Variants in ADPRHL1 observed in about 807,000 individuals in gnomAD.
ADPRHL1 encodes the protein inactive ADP-ribosyltransferase ARH2.
In ADPRHL1, 43 loss-of-function variants were observed where a neutral mutation model predicts 44.1. The ratio of observed to expected loss-of-function variants is 0.98; its 90% confidence interval spans 0.76 to 1.26. The LOEUF (loss-of-function observed/expected upper bound fraction) is 1.26. ADPRHL1 is among the 50% of genes most tolerant of loss of function. The probability of loss-of-function intolerance (pLI) is 0.00; values close to 1 mark genes in which losing one functional copy is unlikely to be tolerated. For synonymous variants in ADPRHL1, 878 were observed against 1,017.4 expected, an observed-to-expected ratio of 0.86 and a Z score of 2.61; for missense variants, 2,022 against 2,496.9, an observed-to-expected ratio of 0.81 and a Z score of 4.05.
intron 1 of ADPRHL1, among the ~76,000 whole-genome samples, chr13:113,448,121 G>T (rs1016224300): frequency 1.3e-5 from 2 of 152,042 alleles, no homozygotes; most frequent in Non-Finnish European, 2.9e-5. Context: ...GCTTCTCCCC[G>T]GGTCTCTTTC....
intron 1 of ADPRHL1, among the ~76,000 whole-genome samples, chr13:113,445,958 A>C: frequency 6.6e-6 from 1 of 150,794 alleles, no homozygotes; most frequent in Non-Finnish European, 1.5e-5. Flanking sequence ...CATGGCTGCA[A>C]ACCCCTGGAG....
Position 113,453,369 on chromosome 13 carries a change from G to A in ADPRHL1, c.69C>T (p.Cys23=). ...VGDALGYRNV[C]KENSTVGMKI... Reference sequence around the variant, plus strand: ...TCATGCCTACAGTGCTGTTCTCCTTGCAGACATTTCTGTAGCCAAGAGCAT... The same window carrying A: ...TCATGCCTACAGTGCTGTTCTCCTTACAGACATTTCTGTAGCCAAGAGCAT... The change falls in exon 1 of 8, where the codon TGC becomes TGT. Residue 23 remains cysteine (C), a synonymous_variant. Coordinates refer to ENST00000612156, the MANE Select transcript of ADPRHL1 (RefSeq NM_001394807.1). The surrounding 1 kb of genome is among the most constrained non-coding windows in gnomAD (Gnocchi z 5.4). The A allele has an allele frequency of 6.2e-7, 1 of 1,614,152 alleles. No homozygotes were observed. Among genetic ancestry groups the A allele is most frequent in the Non-Finnish European group, 8.5e-7 (1 of 1,180,026 alleles).
Position 113,409,306 on chromosome 13 carries a change from C to G in ADPRHL1, c.1062-1086G>C. 1.0e-6 allele frequency: 1 copy of G among 985,382 alleles called. No individual in the cohort carries two copies. Among genetic ancestry groups the G allele is most frequent in the Non-Finnish European group, 1.2e-6 (1 of 829,924 alleles). The allele number at this position is 985,382 out of a possible 1,614,324, so 61.0% of individuals were successfully genotyped here. ...AGGGGGTGGAGCCGTCTCTGACCTC[C>G]CCAGATGATAATTTTGGGTAGACGC... On this transcript the variant is annotated intron_variant, in intron 7 of 7. Transcript: ENST00000612156. This position sits in a 1 kb window ranked among gnomAD's most constrained non-coding sequence, Gnocchi z 4.2.
Position 113,408,005 on chromosome 13 carries a change from G to A in ADPRHL1, c.1277C>T (p.Pro426Leu), listed in dbSNP as rs2139596956. ...QPQTQEATQR[P>L]TRFQLLQAKF... The stretch of plus-strand genomic sequence containing the variant: ...GGCCTGCAGGAGCTGGAAGCGCGTG[G>A]GCCGCTGGGTGGCCTCCTGGGTCTG... Residue 426 changes from proline to leucine, a missense_variant, in exon 8 of 8, where the codon CCC (proline) becomes CTC (leucine). By Grantham distance (98) the Pro-to-Leu change is moderately conservative. Transcript: ENST00000612156. 2 of 1,232,744 alleles carry A rather than the reference G, an allele frequency of 1.6e-6. No individual in the cohort carries two copies. Among genetic ancestry groups the A allele is most frequent in the African/African-American group, 1.5e-5 (1 of 64,558 alleles). The allele number at this position is 1,232,744 out of a possible 1,614,324, so 76.4% of individuals were successfully genotyped here.
intron 2 of ADPRHL1, among the ~76,000 whole-genome samples, chr13:113,435,447 T>C (rs1203140938): frequency 3.6e-4 from 38 of 104,456 alleles, no homozygotes; most frequent in South Asian, 1.2e-3. Context: ...CACCCAGGTG[T>C]AGAGTGAACA....
chr13:113,437,240 C>T (rs1370342428), intron 2 of ADPRHL1, among the ~76,000 whole-genome samples: 3 of 150,918 alleles, frequency 2.0e-5, no homozygotes, highest in African/African-American at 7.3e-5. Context: ...CCCCGGGACC[C>T]GGCACCCACA....
chr13:113,419,013 T>C, intron 7 of ADPRHL1, among the ~76,000 whole-genome samples: 1 of 148,700 alleles, frequency 6.7e-6, no homozygotes, highest in Non-Finnish European at 1.5e-5. Flanking sequence ...CCTCCCTCCC[T>C]TCCTTCCTTT....
intron 1 of ADPRHL1, among the ~76,000 whole-genome samples, chr13:113,449,687 C>T (rs1374548792): frequency 6.6e-6 from 1 of 152,256 alleles, no homozygotes; most frequent in African/African-American, 2.4e-5. Context: ...ACCACACAGC[C>T]CCGTGGCTCG....
intron 1 of ADPRHL1, chr13:113,448,975 C>T: frequency 2.0e-6 from 2 of 985,786 alleles, no homozygotes; most frequent in Non-Finnish European, 2.4e-6. Flanking sequence ...GCCGCCCCTC[C>T]CCAGGCCTGG....
At chr13:113,450,957 C>CG (rs2044174395) in intron 1 of ADPRHL1, among the ~76,000 whole-genome samples, 1 of 151,598 alleles carries the variant, frequency 6.6e-6, no homozygotes, top group East Asian at 1.9e-4. Flanking sequence ...GGGAGACCCC[C>CG]CCCCCCTTCC....
intron 7 of ADPRHL1, 130 bp from the exon 8 acceptor site, chr13:113,408,350 T>A: frequency 1.0e-6 from 1 of 976,162 alleles, no homozygotes. Flanking sequence ...AAAAAGAGAT[T>A]AGGAGCCAGG....
intron 2 of ADPRHL1, among the ~76,000 whole-genome samples, chr13:113,437,493 C>A (rs1428567647): frequency 2.0e-5 from 3 of 152,216 alleles, no homozygotes; most frequent in African/African-American, 7.2e-5. Flanking sequence ...TCTCCCAAGC[C>A]CCACTGCTGC....
In ADPRHL1 at chr13:113,441,583, A is replaced by ATTTAT. The variant is rs2044098830; in HGVS notation, c.379+2841_379+2842insATAAA. Among the ~76,000 whole-genome samples, 1 of 152,190 alleles carries ATTTAT rather than the reference A, an allele frequency of 6.6e-6. No homozygotes were observed. Among genetic ancestry groups the ATTTAT allele is most frequent in the African/African-American group, 2.4e-5 (1 of 41,438 alleles). On this transcript the variant is annotated intron_variant, in intron 2 of 7. Transcript: ENST00000612156. This position sits in a 1 kb window ranked among gnomAD's most constrained non-coding sequence, Gnocchi z 6.0. The stretch of plus-strand genomic sequence containing the variant: ...GTTGTACATTCTACTTATATTTTAT[A>ATTTAT]AACCATACCGTTCATTATTATTTTT...
Position 113,441,736 on chromosome 13 carries a change from C to T in ADPRHL1, c.379+2689G>A, listed in dbSNP as rs373825127. 1.3e-5 allele frequency among the ~76,000 whole-genome samples: 2 copies of T among 152,216 alleles called. No individual in the cohort carries two copies. Among genetic ancestry groups the T allele is most frequent in the African/African-American group, 4.8e-5 (2 of 41,458 alleles). On this transcript the variant is annotated intron_variant, in intron 2 of 7. Coordinates refer to ENST00000612156, the MANE Select transcript of ADPRHL1 (RefSeq NM_001394807.1). This position sits in a 1 kb window ranked among gnomAD's most constrained non-coding sequence, Gnocchi z 6.0. ...TCCATGTCTCTATCATGCCATGTCC[C>T]GCCACTTGGGTCCGTGTCTCTATCA...
intron 7 of ADPRHL1, among the ~76,000 whole-genome samples, chr13:113,408,792 G>A (rs2043827752): frequency 6.6e-6 from 1 of 150,868 alleles, no homozygotes; most frequent in Admixed American, 6.6e-5. Context: ...TTCCTCACAA[G>A]CTCCTGGGCA....
chr13:113,449,571 G>A (rs1224933998), intron 1 of ADPRHL1, among the ~76,000 whole-genome samples: 2 of 151,932 alleles, frequency 1.3e-5, no homozygotes, highest in Non-Finnish European at 2.9e-5. Flanking sequence ...ACACCCGGAA[G>A]GAGGCAGCCC....
intron 1 of ADPRHL1, among the ~76,000 whole-genome samples, chr13:113,451,255 AT>A (rs1445411677): frequency 6.6e-6 from 1 of 152,244 alleles, no homozygotes; most frequent in Non-Finnish European, 1.5e-5. Context: ...CAAACTAATG[AT>A]TAATGATATT....
intron 4 of ADPRHL1, 136 bp downstream of exon 4, chr13:113,428,816 G>T: frequency 7.3e-7 from 1 of 1,376,700 alleles, no homozygotes; most frequent in Non-Finnish European, 9.9e-7. Flanking sequence ...GGCCAGCTCT[G>T]CTCACATGGC....
chr13:113,438,421 T>C (rs1431382120), intron 2 of ADPRHL1, among the ~76,000 whole-genome samples: 1 of 152,160 alleles, frequency 6.6e-6, no homozygotes, highest in Non-Finnish European at 1.5e-5. Flanking sequence ...TAGTTGGGCA[T>C]GGTGGCTTAT....
Sources: allele counts gnomAD v4.1 joint callset (sites outside exome capture counted in the v4.1 genomes callset), GRCh38; gene constraint gnomAD v4.1.1; non-coding constraint Gnocchi (gnomAD v3.1); transcripts MANE v1.5; gene names NCBI Gene and HGNC (gene_info 2026-07-23, HGNC 2026-07-21).